Variants in ECT2L observed in about 807,000 individuals in gnomAD.
ECT2L encodes the protein epithelial cell transforming 2 like, also known as epithelial cell-transforming sequence 2 oncogene-like.
Under a neutral mutation model 122.8 loss-of-function variants are expected in ECT2L, and 126 were observed. That is an observed-to-expected ratio of 1.03 (90% CI 0.89 to 1.19). ECT2L has a LOEUF of 1.19. Among genes scored for constraint, ECT2L ranks in the 50% most tolerant of loss-of-function variants. ECT2L has a pLI of 0.00. For synonymous variants in ECT2L, 385 were observed against 381.8 expected (o/e 1.01, Z -0.10); for missense variants, 1,012 against 1,064.1 (o/e 0.95, Z 0.68).
rs1562501361 is a variant in ECT2L, at chr6:138,902,490, G to A, written c.2588-10G>A. On this transcript the variant is annotated splice_polypyrimidine_tract_variant and intron_variant, in intron 21 of 21. Transcript: ENST00000541398. Reference sequence around the variant, plus strand: ...AAAGATTAATTAGTATACCTCAAATGCTTTTACAGATGTCAAGAATGCATT... The same window carrying A: ...AAAGATTAATTAGTATACCTCAAATACTTTTACAGATGTCAAGAATGCATT... The A allele has an allele frequency of 6.2e-7, 1 of 1,610,416 alleles. No homozygotes were observed. The highest frequency in any genetic ancestry group is 2.2e-5 in the East Asian group (1 of 44,750).
At position 138,842,974 on chromosome 6, in the gene ECT2L, T is replaced by G. The variant is rs756429756; in HGVS notation, c.343-5T>G. ...TTGTGACTCATCTTCCTCTTGTTTC[T>G]GAAGGATTGCTTATGGATGCCCAAA... On this transcript the variant is annotated splice_polypyrimidine_tract_variant and splice_region_variant and intron_variant, in intron 5 of 21. Transcript: ENST00000541398. 4 of 1,479,590 alleles carry G rather than the reference T, an allele frequency of 2.7e-6. No individual in the cohort carries two copies. In the South Asian group the frequency reaches 6.0e-5, roughly 22 times the overall value. 91.7% of individuals were successfully genotyped at this position (1,479,590 alleles called of 1,614,324 possible).
chr6:138,852,380 C>T (rs770618545), intron 9 of ECT2L, among the ~76,000 whole-genome samples: 2 of 150,906 alleles, frequency 1.3e-5, no homozygotes, highest in African/African-American at 2.4e-5. Flanking sequence ...TAGAAGTAGA[C>T]GTCTAGTTTC....
At chr6:138,868,726 A>G (rs2128401571) in intron 13 of ECT2L, among the ~76,000 whole-genome samples, 1 of 152,306 alleles carries the variant, frequency 6.6e-6, no homozygotes, top group Non-Finnish European at 1.5e-5. Context: ...ATTTCATCAG[A>G]CACAGATCCA....
rs1309895622 is a variant in ECT2L at position 138,903,417 on chromosome 6, T to G, written c.*790T>G. The G allele has an allele frequency of 6.6e-6, 1 of 151,724 alleles. No individual in the cohort carries two copies. Among genetic ancestry groups the G allele is most frequent in the African/African-American group, 2.4e-5 (1 of 41,282 alleles). 9.4% of individuals were successfully genotyped at this position (151,724 alleles called of 1,614,324 possible). Reference sequence around the variant, plus strand: ...TACAAATGGCAATTTACTCAAAAACTTGTCACACTTATCCTTAGTATGAAT... The same window carrying G: ...TACAAATGGCAATTTACTCAAAAACGTGTCACACTTATCCTTAGTATGAAT... On this transcript the variant is annotated 3_prime_UTR_variant, in exon 22 of 22. Transcript: ENST00000541398.
chr6:138,837,655 AAC>A (rs1260450304), intron 4 of ECT2L, among the ~76,000 whole-genome samples: 12 of 151,066 alleles, frequency 7.9e-5, no homozygotes, highest in South Asian at 2.1e-4. Flanking sequence ...AAAAAAAAAA[AAC>A]AACAATTAAA....
chr6:138,836,289 CT>C (rs138141444), intron 4 of ECT2L, among the ~76,000 whole-genome samples: 39,680 of 123,198 alleles, frequency 0.32, 3,927 homozygotes, highest in South Asian at 0.46. Flanking sequence ...ATTCATTAAT[CT>C]TTTTTTTTTT....
chr6:138,824,447 G>A (rs1439048762), intron 4 of ECT2L, among the ~76,000 whole-genome samples: 5 of 146,086 alleles, frequency 3.4e-5, no homozygotes, highest in African/African-American at 1.0e-4. Context: ...TTTAGTACTT[G>A]AATAAGTATG....
intron 9 of ECT2L, among the ~76,000 whole-genome samples, chr6:138,850,796 G>A (rs1247034803): frequency 6.6e-6 from 1 of 151,980 alleles, no homozygotes; most frequent in Non-Finnish European, 1.5e-5. Context: ...GAGGTCAGGA[G>A]TTCAAGACCA....
chr6:138,831,763 A>T (rs917277113), intron 4 of ECT2L, among the ~76,000 whole-genome samples: 7 of 152,224 alleles, frequency 4.6e-5, no homozygotes, highest in Admixed American at 2.0e-4. Context: ...GTAAGAAGGG[A>T]TTCAAAATAA....
chr6:138,895,548 T>C (rs759627660), intron 20 of ECT2L, among the ~76,000 whole-genome samples: 1 of 150,974 alleles, frequency 6.6e-6, no homozygotes, highest in Admixed American at 6.6e-5. Flanking sequence ...ACTAACATAG[T>C]AACAATTACT....
chr6:138,864,925 CT>C, intron 11 of ECT2L, 70 bp from the exon 12 acceptor site: 1 of 1,442,134 alleles, frequency 6.9e-7, no homozygotes, highest in Non-Finnish European at 9.4e-7. Flanking sequence ...TTTTGTTGTA[CT>C]TTAAACAAGA....
At chr6:138,892,712 C>T (rs190431643) in intron 20 of ECT2L, among the ~76,000 whole-genome samples, 172 of 152,208 alleles carry the variant, frequency 1.1e-3, no homozygotes, top group African/African-American at 3.7e-3. Flanking sequence ...AGGCTGGTCT[C>T]GAACTCCTGA....
chr6:138,888,192 G>C (rs931946991), intron 19 of ECT2L, among the ~76,000 whole-genome samples: 1 of 148,760 alleles, frequency 6.7e-6, no homozygotes, highest in Admixed American at 6.6e-5. Flanking sequence ...CCAAATTCTT[G>C]AAACTCAGAG....
At chr6:138,802,910 T>C (rs925615565) in intron 1 of ECT2L, among the ~76,000 whole-genome samples, 2 of 151,910 alleles carry the variant, frequency 1.3e-5, no homozygotes, top group Non-Finnish European at 2.9e-5. Flanking sequence ...ACCCCATCTC[T>C]ACTGAAAATA....
chr6:138,819,092 T>G (rs1776170941), intron 4 of ECT2L, among the ~76,000 whole-genome samples: 2 of 152,250 alleles, frequency 1.3e-5, no homozygotes, highest in Non-Finnish European at 2.9e-5. Context: ...GTCTGGAAAT[T>G]TGAGTCATCT....
intron 5 of ECT2L, among the ~76,000 whole-genome samples, chr6:138,842,645 G>A (rs1356217893): frequency 1.3e-5 from 2 of 151,792 alleles, no homozygotes; most frequent in Non-Finnish European, 2.9e-5. Context: ...GGTGGCGGGT[G>A]CCTGTAGTCC....
intron 4 of ECT2L, among the ~76,000 whole-genome samples, chr6:138,819,241 A>G (rs1382804506): frequency 3.4e-5 from 2 of 58,966 alleles, no homozygotes; most frequent in African/African-American, 1.5e-4. Flanking sequence ...TTAAAAAAAA[A>G]AAAAAAAAAA....
intron 4 of ECT2L, among the ~76,000 whole-genome samples, chr6:138,818,117 C>CA (rs1382435563): frequency 6.6e-6 from 1 of 152,182 alleles, no homozygotes; most frequent in Non-Finnish European, 1.5e-5. Flanking sequence ...CAGAGCTGCT[C>CA]AAACTTGCAG....
At chr6:138,831,126 T>C (rs1214600665) in intron 4 of ECT2L, among the ~76,000 whole-genome samples, 1 of 152,208 alleles carries the variant, frequency 6.6e-6, no homozygotes, top group Non-Finnish European at 1.5e-5. Flanking sequence ...TCACCACTTA[T>C]CAATTTACCC....
Sources: allele counts gnomAD v4.1 joint callset (sites outside exome capture counted in the v4.1 genomes callset), GRCh38; gene constraint gnomAD v4.1.1; transcripts MANE v1.5; gene names NCBI Gene and HGNC (gene_info 2026-07-23, HGNC 2026-07-21).